AHI1: variants seen among roughly 807,000 people sequenced by gnomAD.
AHI1 encodes the protein Abelson helper integration site 1.
A neutral mutation model predicts 149.3 loss-of-function variants in AHI1; 123 were observed. The ratio of observed to expected loss-of-function variants is 0.82; its 90% CI spans 0.71 to 0.96. The LOEUF (loss-of-function observed/expected upper bound fraction) is 0.96. Ranked by LOEUF, AHI1 falls within the 40% of genes least tolerant of loss-of-function variation. The pLI is 0.00. For synonymous variants in AHI1, 475 were observed against 459.8 expected, an observed-to-expected ratio of 1.03 and a Z score of -0.42; for missense variants, 1,439 against 1,422.7, an observed-to-expected ratio of 1.01 and a Z score of -0.18.
chr6:135,389,692 CGACTT>C (rs1205083110), intron 23 of AHI1, among the ~76,000 whole-genome samples: 5 of 152,050 alleles, frequency 3.3e-5, no homozygotes, highest in African/African-American at 1.2e-4. Context: ...TTGTTTGACT[CGACTT>C]ATCGATTTAA....
At chr6:135,301,845 C>A (rs1206399126) in intron 26 of AHI1, 1 of 985,306 alleles carries the variant, frequency 1.0e-6, no homozygotes, top group African/African-American at 1.7e-5. Flanking sequence ...ACTACTAATT[C>A]AGACTGCCCT....
intron 27 of AHI1, chr6:135,297,437 T>C: frequency 2.2e-6 from 1 of 456,286 alleles, no homozygotes; most frequent in South Asian, 1.5e-5. Context: ...CTTACCTTTA[T>C]CTAGAGGCCT....
At chr6:135,491,935 G>A (rs776127635) in intron 4 of AHI1, among the ~76,000 whole-genome samples, 1 of 152,162 alleles carries the variant, frequency 6.6e-6, no homozygotes, top group Admixed American at 6.5e-5. Flanking sequence ...TTGTGGTGGA[G>A]TAAAACATTC....
chr6:135,453,478 A>G lies in AHI1; in HGVS notation c.1345-42T>C, dbSNP rs1374312303. ...AGAAGACTAAGCTACCTAAAATTTA[A>G]TATTTTCTAATGGTACATTATTAAA... On this transcript the variant is annotated intron_variant, in intron 10 of 28. Transcript: ENST00000265602. 6.1e-6 allele frequency: 8 copies of G among 1,319,172 alleles called. No individual in the cohort carries two copies. In the East Asian group the frequency reaches 1.5e-4, roughly 25 times the overall value. 81.7% of individuals were successfully genotyped at this position (1,319,172 alleles called of 1,614,324 possible).
intron 27 of AHI1, among the ~76,000 whole-genome samples, chr6:135,293,694 T>C (rs1329978285): frequency 6.6e-6 from 1 of 152,128 alleles, no homozygotes. Flanking sequence ...GACCTATACA[T>C]TGAAAACTAA....
chr6:135,305,163 A>G (rs1255203344), intron 26 of AHI1: 2 of 152,160 alleles, frequency 1.3e-5, no homozygotes, highest in Non-Finnish European at 2.9e-5. Flanking sequence ...ATCCTTCCCA[A>G]GTTCGTTCCC....
At chr6:135,373,127 G>C (rs1301978907) in intron 23 of AHI1, among the ~76,000 whole-genome samples, 1 of 152,192 alleles carries the variant, frequency 6.6e-6, no homozygotes, top group Admixed American at 6.5e-5. Flanking sequence ...CCTAAACTTA[G>C]TGCAAAACTG....
chr6:135,405,293 C>T (rs1454467492), intron 21 of AHI1, among the ~76,000 whole-genome samples: 1 of 152,052 alleles, frequency 6.6e-6, no homozygotes, highest in Non-Finnish European at 1.5e-5. Flanking sequence ...GTGTAAAAGA[C>T]ACATGCTGAG....
chr6:135,318,579 T>TC lies in AHI1; in HGVS notation c.3365dup (p.Ser1123IlefsTer7), dbSNP rs771754539. 6.2e-7 allele frequency: 1 copy of TC among 1,606,024 alleles called. No homozygotes were observed. Among genetic ancestry groups the TC allele is most frequent in the South Asian group, 1.1e-5 (1 of 88,734 alleles). On this transcript the variant is annotated frameshift_variant, in exon 26 of 29. Transcript: ENST00000265602. LOFTEE classifies it high-confidence loss of function. Reference sequence around the variant, plus strand: ...TTTCCTCAGGGCTTAAAGGAGGGGATCGCTCCTTTATCTCAGGAGGCAGTT... The same window carrying TC: ...TTTCCTCAGGGCTTAAAGGAGGGGATCCGCTCCTTTATCTCAGGAGGCAGTT...
intron 5 of AHI1, 125 bp from the exon 6 acceptor site, chr6:135,467,759 A>G (rs903734451): frequency 1.2e-5 from 7 of 596,450 alleles, no homozygotes; most frequent in African/African-American, 1.1e-4. Context: ...ACCTGGACAT[A>G]GTGATACTAT....
At position 135,466,175 on chromosome 6, in the gene AHI1, T is replaced by G. The variant is rs376751417; in HGVS notation, c.388A>C (p.Ile130Leu). Reference protein sequence around the residue: ...DKQGKPNKKVIKTVPQLTTQD... With the variant: ...DKQGKPNKKVLKTVPQLTTQD... ...GTAGTCAACTGGGGCACCGTCTTTA[T>G]CACCTTTTTATTTGGCTTTCCTTGT... Residue 130 changes from isoleucine (I) to leucine (L), a missense_variant, in exon 7 of 29, where the codon ATA becomes CTA. Ile to Leu is a conservative substitution (Grantham distance 5, BLOSUM62 2). Transcript: ENST00000265602. 1.4e-5 allele frequency: 22 copies of G among 1,613,860 alleles called. No homozygotes were observed. The highest frequency in any genetic ancestry group is 1.9e-5 in the Non-Finnish European group (22 of 1,179,880).
At chr6:135,436,115 T>C (rs1785363257) in intron 15 of AHI1, among the ~76,000 whole-genome samples, 1 of 152,122 alleles carries the variant, frequency 6.6e-6, no homozygotes, top group South Asian at 2.1e-4. Flanking sequence ...GCGCTAGAAG[T>C]CATTAGCATA....
intron 5 of AHI1, among the ~76,000 whole-genome samples, chr6:135,479,858 G>A (rs1286447109): frequency 1.3e-5 from 2 of 152,164 alleles, no homozygotes; most frequent in African/African-American, 4.8e-5. Context: ...AATCATGGGT[G>A]TCAACTTCCC....
rs767255013 is a variant in AHI1, at chr6:135,433,148, T to A, written c.2145A>T (p.Thr715=). 3 of 1,613,118 alleles carry A rather than the reference T, an allele frequency of 1.9e-6. No homozygotes were observed. The African/African-American group carries it at 4.0e-5, about 22-fold the overall frequency. The change falls in exon 16 of 29, where the codon ACA becomes ACT. Residue 715 remains threonine, a synonymous_variant. Coordinates refer to ENST00000265602, the MANE Select transcript of AHI1 (RefSeq NM_001134831.2). ...FHPAVRELVV[T]GCYDSMIRIW... ...TCCGTATCATGGAATCATAGCATCC[T>A]GTAACTACTAGCTCTCTTACAGCTG...
At chr6:135,408,187 A>C (rs1781071353) in intron 21 of AHI1, among the ~76,000 whole-genome samples, 1 of 152,226 alleles carries the variant, frequency 6.6e-6, no homozygotes, top group African/African-American at 2.4e-5. Context: ...TAAGTTTTAC[A>C]GAATAAAGAC....
At chr6:135,371,343 C>T (rs954957744) in intron 23 of AHI1, among the ~76,000 whole-genome samples, 1 of 152,160 alleles carries the variant, frequency 6.6e-6, no homozygotes, top group Non-Finnish European at 1.5e-5. Flanking sequence ...CACTATCAGC[C>T]AGCTTCTAGT....
intron 4 of AHI1, among the ~76,000 whole-genome samples, 167 bp downstream of exon 4, chr6:135,492,061 A>C (rs999802443): frequency 1.3e-5 from 2 of 152,230 alleles, no homozygotes; most frequent in Admixed American, 6.5e-5. Context: ...CACAATATTA[A>C]ATAGAAAACT....
intron 20 of AHI1, among the ~76,000 whole-genome samples, chr6:135,419,448 T>A (rs1367883346): frequency 6.6e-6 from 1 of 152,038 alleles, no homozygotes; most frequent in Non-Finnish European, 1.5e-5. Flanking sequence ...TACTCAGAGA[T>A]ATGGCGGGTT....
intron 23 of AHI1, among the ~76,000 whole-genome samples, chr6:135,386,089 T>C (rs984474723): frequency 6.6e-6 from 1 of 152,182 alleles, no homozygotes; most frequent in African/African-American, 2.4e-5. Flanking sequence ...ACAAAACATA[T>C]CGTCTGGCCT....
Sources: gnomAD v4.1 joint callset for allele counts (sites outside exome capture counted in the v4.1 genomes callset) on GRCh38, gnomAD v4.1.1 for gene constraint, MANE v1.5 for transcripts, NCBI Gene and HGNC (gene_info 2026-07-23, HGNC 2026-07-21) for gene names.